NKAIN2: variants seen among roughly 807,000 people sequenced by gnomAD.
NKAIN2 encodes sodium/potassium-transporting ATPase subunit beta-1-interacting protein 2.
In NKAIN2, 14 loss-of-function variants were observed where a neutral mutation model predicts 32.6. The observed-to-expected ratio is 0.43, with a 90% CI of 0.28 to 0.67. NKAIN2 has a LOEUF of 0.67. Ranked by LOEUF, NKAIN2 falls within the 30% of genes least tolerant of loss-of-function variation. The pLI, the probability that NKAIN2 is intolerant of heterozygous loss-of-function variation, is 0.17. For missense variants in NKAIN2, 198 were observed against 258.3 expected (o/e 0.77, Z 1.60); for synonymous variants, 80 against 87.2 (o/e 0.92, Z 0.46).
chr6:124,609,368 C>T (rs546706290), intron 3 of NKAIN2, among the ~76,000 whole-genome samples: 1 of 152,110 alleles, frequency 6.6e-6, no homozygotes, highest in Non-Finnish European at 1.5e-5. Flanking sequence ...TTTTTCATCA[C>T]TCACCCTGGA....
chr6:124,702,800 T>C (rs1469702541), intron 4 of NKAIN2, among the ~76,000 whole-genome samples: 1 of 152,108 alleles, frequency 6.6e-6, no homozygotes, highest in Non-Finnish European at 1.5e-5. Flanking sequence ...CAATCAGAGC[T>C]TTTTTAGTCA....
intron 3 of NKAIN2, among the ~76,000 whole-genome samples, chr6:124,637,939 C>T (rs1187448678): frequency 6.6e-6 from 1 of 152,078 alleles, no homozygotes; most frequent in Non-Finnish European, 1.5e-5. Context: ...CAAAAGACCT[C>T]AAGTATTCAA....
intron 3 of NKAIN2, among the ~76,000 whole-genome samples, chr6:124,418,087 C>T (rs1424793844): frequency 6.6e-6 from 1 of 151,928 alleles, no homozygotes; most frequent in Non-Finnish European, 1.5e-5. Context: ...ACTTATTAGG[C>T]ATTAAATATA....
intron 1 of NKAIN2, among the ~76,000 whole-genome samples, chr6:123,907,798 T>G (rs907240040): frequency 1.3e-5 from 2 of 152,136 alleles, no homozygotes; most frequent in Non-Finnish European, 2.9e-5. Context: ...CCCTTCATCT[T>G]CACTGAGTTG....
At chr6:124,429,073 C>T (rs529844075) in intron 3 of NKAIN2, among the ~76,000 whole-genome samples, 2 of 152,102 alleles carry the variant, frequency 1.3e-5, no homozygotes, top group East Asian at 1.9e-4. Flanking sequence ...GAATTTCACT[C>T]GTTACCCAGG....
intron 3 of NKAIN2, among the ~76,000 whole-genome samples, chr6:124,478,580 A>T (rs1777323887): frequency 6.6e-6 from 1 of 152,242 alleles, no homozygotes; most frequent in Non-Finnish European, 1.5e-5. Context: ...AAGGGCTCTA[A>T]ATAACCAAAG....
At chr6:124,757,342 C>T (rs976681296) in intron 4 of NKAIN2, among the ~76,000 whole-genome samples, 9 of 152,158 alleles carry the variant, frequency 5.9e-5, no homozygotes, top group African/African-American at 1.2e-4. Flanking sequence ...TCTCTCTGCA[C>T]GCTTCAACAT....
intron 3 of NKAIN2, among the ~76,000 whole-genome samples, chr6:124,494,041 TC>T (rs2114731284): frequency 6.6e-6 from 1 of 152,226 alleles, no homozygotes; most frequent in African/African-American, 2.4e-5. Context: ...TTTCAAGGAC[TC>T]CAACCATAAC....
chr6:124,802,904 A>G (rs1162062617), intron 5 of NKAIN2, among the ~76,000 whole-genome samples: 1 of 152,194 alleles, frequency 6.6e-6, no homozygotes, highest in Non-Finnish European at 1.5e-5. Context: ...TGGTGTTCTC[A>G]TTAGCATTCT....
In NKAIN2 at chr6:124,791,391, A is replaced by T; in HGVS notation, c.527A>T (p.Glu176Val). Residue 176 changes from glutamate to valine, a missense_variant, in exon 5 of 7, where the codon GAG (glutamate) becomes GTG (valine). Transcript: ENST00000368417. Reference sequence around the variant, plus strand: ...GTTGTGAAATGTATAACTGAAGAAGAGGACAGCTGTAAGTATTAAAGCTCT... The same window carrying T: ...GTTGTGAAATGTATAACTGAAGAAGTGGACAGCTGTAAGTATTAAAGCTCT... ...CYVVKCITEEEDSFDFIGGFD... is the reference protein window; with the variant it reads ...CYVVKCITEEVDSFDFIGGFD... 6.2e-7 allele frequency: 1 copy of T among 1,604,478 alleles called. No homozygotes were observed. The highest frequency in any genetic ancestry group is 1.3e-5 in the African/African-American group (1 of 74,876).
chr6:123,813,011 G>A (rs1413655704), intron 1 of NKAIN2, among the ~76,000 whole-genome samples: 2 of 152,244 alleles, frequency 1.3e-5, no homozygotes, highest in Non-Finnish European at 1.5e-5. Flanking sequence ...TATGTTACAT[G>A]TGAACTGTTC....
intron 1 of NKAIN2, among the ~76,000 whole-genome samples, chr6:123,985,062 T>C (rs1227629275): frequency 6.6e-6 from 1 of 152,088 alleles, no homozygotes; most frequent in Admixed American, 6.6e-5. Context: ...TGAGCAATGA[T>C]GTATGTACAA....
At chr6:123,991,682 G>A (rs1175430757) in intron 1 of NKAIN2, among the ~76,000 whole-genome samples, 1 of 152,076 alleles carries the variant, frequency 6.6e-6, no homozygotes, top group Non-Finnish European at 1.5e-5. Context: ...CTAACACGGT[G>A]AAACCACATC....
intron 1 of NKAIN2, among the ~76,000 whole-genome samples, chr6:124,239,812 A>G (rs995922900): frequency 7.9e-5 from 12 of 152,184 alleles, no homozygotes; most frequent in Admixed American, 2.6e-4. Context: ...TAAAATCGAC[A>G]TCCTACCATC....
intron 1 of NKAIN2, among the ~76,000 whole-genome samples, chr6:123,911,361 G>A (rs943639842): frequency 2.6e-5 from 4 of 152,122 alleles, no homozygotes; most frequent in Admixed American, 6.6e-5. Context: ...GAAGGTGAAA[G>A]GGAGTGGACA....
chr6:123,830,854 C>G lies in NKAIN2; in HGVS notation c.54+26600C>G, dbSNP rs189275613. On this transcript the variant is annotated intron_variant, in intron 1 of 6. Transcript: ENST00000368417. ...GTTAATTTGTTTTGAATGAATGAATCAATCAGTGACTGACGAATGAATGAT... is the reference window on the plus strand; with the variant it reads ...GTTAATTTGTTTTGAATGAATGAATGAATCAGTGACTGACGAATGAATGAT... Among the ~76,000 whole-genome samples, 82 of 152,268 alleles carry G rather than the reference C, an allele frequency of 5.4e-4. 1 individual carries two copies. The highest frequency in any genetic ancestry group is 1.1e-3 in the Admixed American group (17 of 15,290).
intron 1 of NKAIN2, among the ~76,000 whole-genome samples, chr6:124,086,501 T>C (rs1784196739): frequency 6.6e-6 from 1 of 151,970 alleles, no homozygotes; most frequent in South Asian, 2.1e-4. Context: ...ATGTGAATAT[T>C]GTAGGCATTT....
intron 1 of NKAIN2, among the ~76,000 whole-genome samples, chr6:123,883,392 G>A (rs969607713): frequency 1.3e-5 from 2 of 152,030 alleles, no homozygotes; most frequent in East Asian, 1.9e-4. Flanking sequence ...TGATTCACCC[G>A]CCTCGGCCTC....
chr6:124,394,455 T>TGAGA (rs373719809), intron 3 of NKAIN2, among the ~76,000 whole-genome samples: 2 of 101,922 alleles, frequency 2.0e-5, no homozygotes, highest in African/African-American at 7.4e-5. Context: ...AGAATCAATA[T>TGAGA]GAGATAGATA....
Sources: gnomAD v4.1 joint callset for allele counts (sites outside exome capture counted in the v4.1 genomes callset) on GRCh38, gnomAD v4.1.1 for gene constraint, MANE v1.5 for transcripts, NCBI Gene and HGNC (gene_info 2026-07-23, HGNC 2026-07-21) for gene names.